MCAM: variants seen among roughly 807,000 people sequenced by gnomAD.
MCAM encodes the protein cell surface glycoprotein MUC18.
A neutral mutation model predicts 79.1 loss-of-function variants in MCAM; 55 were observed. The observed-to-expected ratio is 0.70, with a 90% CI of 0.56 to 0.87. MCAM has a LOEUF of 0.87. MCAM is among the 40% of genes least tolerant of loss of function. The pLI is 0.00. For missense variants in MCAM, 745 were observed against 839.8 expected (o/e 0.89, Z 1.40); for synonymous variants, 330 against 339.8 (o/e 0.97, Z 0.32).
In MCAM at chr11:119,310,358, C is replaced by G. The variant is rs773872862; in HGVS notation, c.1902G>C (p.Pro634=). 7 of 1,612,098 alleles carry G rather than the reference C, an allele frequency of 4.3e-6. No individual in the cohort carries two copies. The highest frequency in any genetic ancestry group is 5.1e-6 in the Non-Finnish European group (6 of 1,178,450). The change falls in exon 15 of 16, where the codon CCG becomes CCC. Residue 634 remains proline (P), a synonymous_variant. Transcript: ENST00000264036. The part of the protein sequence containing the change: ...LQGSSGDKRA[P]GDQGEKYIDL... ...AGGAACCGCCTCCTACCTGGTCTCC[C>G]GGAGCCCTCTTGTCACCGCTGCTGC...
Position 119,312,664 on chromosome 11 carries a change from G to C in MCAM, c.740-16C>G. The C allele has an allele frequency of 1.2e-6, 2 of 1,614,152 alleles. No homozygotes were observed. Among genetic ancestry groups the C allele is most frequent in the Admixed American group, 1.7e-5 (1 of 60,022 alleles). On this transcript the variant is annotated splice_polypyrimidine_tract_variant and intron_variant, in intron 6 of 15. Transcript: ENST00000264036. This position sits in a 1 kb window ranked among gnomAD's most constrained non-coding sequence, Gnocchi z 4.9. ...TCTGTCGGGTCTGCATAGGCAAAGGGGGTAGCTCTTGGCCCATGAGTCAAC... is the reference window on the plus strand; with the variant it reads ...TCTGTCGGGTCTGCATAGGCAAAGGCGGTAGCTCTTGGCCCATGAGTCAAC...
chr11:119,310,856 C>T lies in MCAM; in HGVS notation c.1693G>A (p.Val565Met). 6.2e-7 allele frequency: 1 copy of T among 1,614,220 alleles called. No individual in the cohort carries two copies. Among genetic ancestry groups the T allele is most frequent in the Non-Finnish European group, 8.5e-7 (1 of 1,180,028 alleles). The change falls in exon 14 of 16, where the codon GTG becomes ATG. Residue 565 changes from valine (V) to methionine (M), a missense_variant. Val to Met is a conservative substitution (Grantham distance 21). Coordinates refer to ENST00000264036, the MANE Select transcript of MCAM (RefSeq NM_006500.3). ...GCCAGGACCAGGATGCACACAATCA[C>T]AGCCACGATGACCACGCCCCGGCTC... is the stretch of plus-strand genomic sequence containing the variant. Reference protein sequence around the residue: ...PESRGVVIVAVIVCILVLAVL... With the variant: ...PESRGVVIVAMIVCILVLAVL...
At position 119,316,783 on chromosome 11, in the gene MCAM, C is replaced by G. The variant is rs2135348748; in HGVS notation, c.67+252G>C. The G allele has an allele frequency of 2.0e-6, 1 of 501,338 alleles. No homozygotes were observed. The highest frequency in any genetic ancestry group is 3.8e-5 in the East Asian group (1 of 26,216). 31.1% of individuals were successfully genotyped at this position (501,338 alleles called of 1,614,324 possible). On this transcript the variant is annotated intron_variant, in intron 1 of 15. Transcript: ENST00000264036. The surrounding 1 kb of genome is among the most constrained non-coding windows in gnomAD (Gnocchi z 4.8). ...CACCCCGAAAGGCTGAGCTCCACCC[C>G]TTCTCGTTCCCAGAAGCAGCCTCCT...
Position 119,315,198 on chromosome 11 carries a change from G to A in MCAM, c.133C>T (p.Leu45Phe), listed in dbSNP as rs1312436958. ...GACTGGGAGAGGCCGCACTTCAGAA[G>A]GGCTGTGCTGCCCACTTCCACCTCC... ...LVEVEVGSTA[L>F]LKCGLSQSQG... The change falls in exon 2 of 16, where the codon CTT (leucine) becomes TTT (phenylalanine). Residue 45 changes from leucine to phenylalanine, a missense_variant. Physicochemically the swap from Leu to Phe is conservative, Grantham distance 22 (BLOSUM62 0). Transcript: ENST00000264036. The surrounding 1 kb of genome is among the most constrained non-coding windows in gnomAD (Gnocchi z 4.4). 2 of 1,613,188 alleles carry A rather than the reference G, an allele frequency of 1.2e-6. No homozygotes were observed. The highest frequency in any genetic ancestry group is 8.5e-7 in the Non-Finnish European group (1 of 1,179,992).
At position 119,309,600 on chromosome 11, in the gene MCAM, C is replaced by T. The variant is rs1265691281; in HGVS notation, c.*286G>A. ...CCATAATGTGTGTAAAGAAAAAACA[C>T]GTTCTGCAAGAAACTCTCCTACCCG... On this transcript the variant is annotated 3_prime_UTR_variant, in exon 16 of 16. Coordinates refer to ENST00000264036, the MANE Select transcript of MCAM (RefSeq NM_006500.3). The T allele has an allele frequency of 2.0e-5, 10 of 506,940 alleles. No individual in the cohort carries two copies. Among genetic ancestry groups the T allele is most frequent in the South Asian group, 1.9e-4 (7 of 36,900 alleles). 31.4% of individuals were successfully genotyped at this position (506,940 alleles called of 1,614,324 possible). A position where few individuals can be genotyped will look rare whatever the true frequency, so the allele number is the denominator to read the frequency against.
intron 15 of MCAM, 52 bp downstream of exon 15, chr11:119,310,297 C>T: frequency 8.5e-7 from 1 of 1,172,028 alleles, no homozygotes; most frequent in African/African-American, 1.5e-5. Context: ...GTCCCTACTG[C>T]CCCCGGTCCC....
chr11:119,315,304 C>T lies in MCAM; in HGVS notation c.68-41G>A, dbSNP rs199747284. On this transcript the variant is annotated intron_variant, in intron 1 of 15. Coordinates refer to ENST00000264036, the MANE Select transcript of MCAM (RefSeq NM_006500.3). The surrounding 1 kb of genome is among the most constrained non-coding windows in gnomAD (Gnocchi z 4.4). ...GGGGCCCCCGCAGCTGTGTCAGCTC[C>T]GGCTGCTGTCCGCCCCTCCCCTCGC... The T allele has an allele frequency of 1.2e-4, 186 of 1,581,672 alleles. 2 individuals are homozygous for T. In the African/African-American group the frequency reaches 2.1e-3, roughly 18 times the overall value.
chr11:119,314,346 G>C, intron 5 of MCAM, 143 bp downstream of exon 5: 1 of 713,518 alleles, frequency 1.4e-6, no homozygotes. Context: ...TGTAGAGACA[G>C]GGTCACCCTA....
At chr11:119,314,403 G>A in intron 5 of MCAM, 86 bp downstream of exon 5, 1 of 1,206,264 alleles carries the variant, frequency 8.3e-7, no homozygotes, top group Non-Finnish European at 1.2e-6. Context: ...AGATCCTCCT[G>A]CCTTGGCCTC....
chr11:119,310,936 G>A (rs1443760016), intron 13 of MCAM, 33 bp from the exon 14 acceptor site: 1 of 1,614,018 alleles, frequency 6.2e-7, no homozygotes, highest in Non-Finnish European at 8.5e-7. Flanking sequence ...GTCACTCCCT[G>A]CCCCAGGCCA....
chr11:119,313,059 C>A, intron 5 of MCAM, 110 bp from the exon 6 acceptor site: 1 of 1,566,946 alleles, frequency 6.4e-7, no homozygotes, highest in South Asian at 1.1e-5. Context: ...CCCCTGTCCC[C>A]TGTAGAAGGC....
Position 119,311,722 on chromosome 11 carries a change from C to T in MCAM, c.1286-71G>A. ...CCTCCCCCTCCGCACCAGAGCTCCC[C>T]AGGGCAGCAGGTGGCTTTTTGTCAA... On this transcript the variant is annotated intron_variant, in intron 10 of 15. Coordinates refer to ENST00000264036, the MANE Select transcript of MCAM (RefSeq NM_006500.3). The surrounding 1 kb of genome is among the most constrained non-coding windows in gnomAD (Gnocchi z 4.4). 1 of 1,608,720 alleles carries T rather than the reference C, an allele frequency of 6.2e-7. No individual in the cohort carries two copies. Among genetic ancestry groups the T allele is most frequent in the African/African-American group, 1.3e-5 (1 of 74,850 alleles).
Position 119,312,665 on chromosome 11 carries a change from G to T in MCAM, c.740-17C>A. 6.2e-7 allele frequency: 1 copy of T among 1,612,452 alleles called. No homozygotes were observed. Among genetic ancestry groups the T allele is most frequent in the Non-Finnish European group, 8.5e-7 (1 of 1,180,022 alleles). On this transcript the variant is annotated splice_polypyrimidine_tract_variant and intron_variant, in intron 6 of 15. Transcript: ENST00000264036. The surrounding 1 kb of genome is among the most constrained non-coding windows in gnomAD (Gnocchi z 4.9). ...CTGTCGGGTCTGCATAGGCAAAGGG[G>T]GTAGCTCTTGGCCCATGAGTCAACC...
At position 119,312,834 on chromosome 11, in the gene MCAM, G is replaced by A. The variant is rs777316454; in HGVS notation, c.675C>T (p.Leu225=). ...GGTTCCCACTGGGCAGCCGGTAGTT[G>A]AGCTCACAGTAAAACTGGGCATCTT... is the stretch of plus-strand genomic sequence containing the variant. ...EDKDAQFYCE[L]NYRLPSGNHM... The change falls in exon 6 of 16, where the codon CTC becomes CTT. Residue 225 remains leucine (L), a synonymous_variant. Transcript: ENST00000264036. This position sits in a 1 kb window ranked among gnomAD's most constrained non-coding sequence, Gnocchi z 4.9. 1 of 1,614,182 alleles carries A rather than the reference G, an allele frequency of 6.2e-7. No individual in the cohort carries two copies.
chr11:119,316,950 C>T lies in MCAM; in HGVS notation c.67+85G>A, dbSNP rs2135348966. On this transcript the variant is annotated intron_variant, in intron 1 of 15. Transcript: ENST00000264036. The surrounding 1 kb of genome is among the most constrained non-coding windows in gnomAD (Gnocchi z 4.8). Reference sequence around the variant, plus strand: ...CGTCCTCCCAGACGCAACGCCCCGACCCCGCCGCGCCGCTGGCTCTGCTCC... The same window carrying T: ...CGTCCTCCCAGACGCAACGCCCCGATCCCGCCGCGCCGCTGGCTCTGCTCC... 1.6e-6 allele frequency: 2 copies of T among 1,256,290 alleles called. No homozygotes were observed. Among genetic ancestry groups the T allele is most frequent in the South Asian group, 1.4e-5 (1 of 73,352 alleles). The allele number at this position is 1,256,290 out of a possible 1,614,324, so 77.8% of individuals were successfully genotyped here. A position where few individuals can be genotyped will look rare whatever the true frequency, so the allele number is the denominator to read the frequency against.
Position 119,308,908 on chromosome 11 carries a change from G to A in MCAM, c.*978C>T, listed in dbSNP as rs1037869694. 6.6e-6 allele frequency: 1 copy of A among 152,226 alleles called. No individual in the cohort carries two copies. Among genetic ancestry groups the A allele is most frequent in the African/African-American group, 2.4e-5 (1 of 41,428 alleles). 9.4% of individuals were successfully genotyped at this position (152,226 alleles called of 1,614,324 possible). The stretch of plus-strand genomic sequence containing the variant: ...GCTATGGGAGCCAAGTGAACACGGG[G>A]GATTGAGGCTAATTCACCTGAACTC... On this transcript the variant is annotated 3_prime_UTR_variant, in exon 16 of 16. Transcript: ENST00000264036.
In MCAM at chr11:119,311,073, T is replaced by G. The variant is rs759955150; in HGVS notation, c.1645+17A>C. The G allele has an allele frequency of 8.7e-6, 14 of 1,614,102 alleles. No homozygotes were observed. The highest frequency in any genetic ancestry group is 8.3e-5 in the Admixed American group (5 of 60,014). ...ATGCCCTGGCACAGCCCTGTTCTCT[T>G]GCCAGGCCTGGCTTACCTGTGGAGG... On this transcript the variant is annotated intron_variant, in intron 13 of 15. Coordinates refer to ENST00000264036, the MANE Select transcript of MCAM (RefSeq NM_006500.3). The surrounding 1 kb of genome is among the most constrained non-coding windows in gnomAD (Gnocchi z 4.4).
Position 119,315,384 on chromosome 11 carries a change from C to T in MCAM, c.68-121G>A. ...TCAGAGGGTCTGCAGAGGGCCCTGT[C>T]CTCTGAACGCTCTACCCCCACCCCG... On this transcript the variant is annotated intron_variant, in intron 1 of 15. Coordinates refer to ENST00000264036, the MANE Select transcript of MCAM (RefSeq NM_006500.3). The surrounding 1 kb of genome is among the most constrained non-coding windows in gnomAD (Gnocchi z 4.4). The T allele has an allele frequency of 7.7e-7, 1 of 1,296,326 alleles. No homozygotes were observed. Among genetic ancestry groups the T allele is most frequent in the Non-Finnish European group, 1.0e-6 (1 of 953,240 alleles). 80.3% of individuals were successfully genotyped at this position (1,296,326 alleles called of 1,614,324 possible).
In MCAM at chr11:119,311,760, C is replaced by A. The variant is rs759100505; in HGVS notation, c.1285+48G>T. The A allele has an allele frequency of 6.2e-7, 1 of 1,609,042 alleles. No homozygotes were observed. Among genetic ancestry groups the A allele is most frequent in the African/African-American group, 1.3e-5 (1 of 74,824 alleles). On this transcript the variant is annotated intron_variant, in intron 10 of 15. Transcript: ENST00000264036. The surrounding 1 kb of genome is among the most constrained non-coding windows in gnomAD (Gnocchi z 4.4). ...GGCTTTTTGTCAAAGAGCTTAAAAA[C>A]CACCCCACTTGGGGTGACCTGGTCT...
Sources: gnomAD v4.1 joint callset for allele counts on GRCh38, gnomAD v4.1.1 for gene constraint, Gnocchi (gnomAD v3.1) non-coding constraint, MANE v1.5 for transcripts, NCBI Gene and HGNC (gene_info 2026-07-23, HGNC 2026-07-21) for gene names.